Variants in LIN52 observed in about 807,000 individuals in gnomAD.
LIN52 encodes protein lin-52 homolog.
Under a neutral mutation model 18.5 loss-of-function variants are expected in LIN52, and 4 were observed. The observed-to-expected ratio is 0.22, with a 90% CI of 0.11 to 0.49. The LOEUF (loss-of-function observed/expected upper bound fraction) is 0.49, where lower values mean the gene tolerates loss of function less well. LIN52 is among the 20% of genes least tolerant of loss of function. LIN52 has a pLI of 0.97. For synonymous variants in LIN52, 34 were observed against 45.5 expected, an observed-to-expected ratio of 0.75 and a Z score of 1.02; for missense variants, 102 against 139.5, an observed-to-expected ratio of 0.73 and a Z score of 1.35.
At chr14:74,087,226 T>G (rs1011657180) in intron 1 of LIN52, among the ~76,000 whole-genome samples, 1 of 151,956 alleles carries the variant, frequency 6.6e-6, no homozygotes, top group African/African-American at 2.4e-5. Flanking sequence ...CCATCCTGGC[T>G]AACACAGTGA....
intron 5 of LIN52, among the ~76,000 whole-genome samples, chr14:74,196,992 T>C (rs948918893): frequency 1.3e-5 from 2 of 152,164 alleles, no homozygotes; most frequent in Non-Finnish European, 2.9e-5. Context: ...GGCAAGACAG[T>C]ACTTGATTGG....
At chr14:74,190,154 C>T (rs2061357289) in intron 5 of LIN52, among the ~76,000 whole-genome samples, 1 of 152,042 alleles carries the variant, frequency 6.6e-6, no homozygotes. Flanking sequence ...TCTTTCTCAG[C>T]AGTCACTGGA....
intron 5 of LIN52, among the ~76,000 whole-genome samples, chr14:74,159,446 A>T (rs1340474743): frequency 6.6e-6 from 1 of 152,300 alleles, no homozygotes. Context: ...TAATGTTACT[A>T]CTTACACAAT....
chr14:74,142,629 C>T (rs929299773), intron 5 of LIN52, among the ~76,000 whole-genome samples: 11 of 151,528 alleles, frequency 7.3e-5, no homozygotes, highest in African/African-American at 2.7e-4. Flanking sequence ...AGCCATGTGT[C>T]GCTAATGACT....
chr14:74,146,153 G>A (rs1428683880), intron 5 of LIN52, among the ~76,000 whole-genome samples: 2 of 151,962 alleles, frequency 1.3e-5, no homozygotes, highest in Non-Finnish European at 2.9e-5. Flanking sequence ...TGAATCCCAT[G>A]TTTCCTGAAT....
intron 5 of LIN52, among the ~76,000 whole-genome samples, chr14:74,172,589 G>A (rs1474432304): frequency 6.6e-6 from 1 of 152,222 alleles, no homozygotes; most frequent in Non-Finnish European, 1.5e-5. Flanking sequence ...AGTGGTGTCA[G>A]GTGCAACTTA....
intron 5 of LIN52, among the ~76,000 whole-genome samples, chr14:74,119,730 C>T (rs1383601452): frequency 6.6e-6 from 1 of 151,988 alleles, no homozygotes; most frequent in Non-Finnish European, 1.5e-5. Context: ...TGAGGTTGAG[C>T]ACCTTTTTGT....
At chr14:74,130,278 G>GTTTTTTTTTGTTTTTTTTTTTTTTTTTT (rs2061055159) in intron 5 of LIN52, among the ~76,000 whole-genome samples, 1 of 64,840 alleles carries the variant, frequency 1.5e-5, no homozygotes, top group Non-Finnish European at 2.8e-5. Context: ...GCATTTTTTG[G>GTTTTTTTTTGTTTTTTTTTTTTTTTTTT]TTTTTTTTTT....
At chr14:74,142,012 G>A (rs2061133690) in intron 5 of LIN52, among the ~76,000 whole-genome samples, 1 of 152,176 alleles carries the variant, frequency 6.6e-6, no homozygotes, top group African/African-American at 2.4e-5. Flanking sequence ...TGCTGGGAGT[G>A]GCAGTGTGAT....
chr14:74,140,648 G>A (rs1343099618), intron 5 of LIN52, among the ~76,000 whole-genome samples: 1 of 152,226 alleles, frequency 6.6e-6, no homozygotes, highest in East Asian at 1.9e-4. Flanking sequence ...CTGGGCCAGA[G>A]GTCCCAGTGG....
In LIN52 at chr14:74,130,278, G is replaced by GTTTGTTTTTTTTTTTTTTTT; in HGVS notation, c.283+29043_283+29044insGTTTTTTTTTTTTTTTTTTT. Among the ~76,000 whole-genome samples, 136 of 64,824 alleles carry GTTTGTTTTTTTTTTTTTTTT rather than the reference G, an allele frequency of 2.1e-3. 1 individual carries two copies. Among genetic ancestry groups the GTTTGTTTTTTTTTTTTTTTT allele is most frequent in the African/African-American group, 7.2e-3 (114 of 15,880 alleles). 42.5% of individuals were successfully genotyped at this position (64,824 alleles called of 152,430 possible). ...GAATTTATTAGATAGGCATTTTTTG[G>GTTTGTTTTTTTTTTTTTTTT]TTTTTTTTTTTTTTTTTTGAGACAG... On this transcript the variant is annotated intron_variant, in intron 5 of 5. Transcript: ENST00000555028.
At chr14:74,101,114 A>G in intron 4 of LIN52, 41 bp from the exon 5 acceptor site, 1 of 1,522,472 alleles carries the variant, frequency 6.6e-7, no homozygotes, top group Non-Finnish European at 9.1e-7. Context: ...ACTAGAGAAG[A>G]GTGGAAAGAA....
At chr14:74,131,279 A>G (rs2061065343) in intron 5 of LIN52, among the ~76,000 whole-genome samples, 1 of 150,350 alleles carries the variant, frequency 6.7e-6, no homozygotes, top group Admixed American at 6.6e-5. Flanking sequence ...TCTAAGTGAG[A>G]TTGAGGGATA....
intron 5 of LIN52, among the ~76,000 whole-genome samples, chr14:74,120,985 G>T (rs938420059): frequency 2.0e-5 from 3 of 152,152 alleles, no homozygotes; most frequent in Non-Finnish European, 4.4e-5. Flanking sequence ...GCTGAGGTGG[G>T]AGGATCATTT....
chr14:74,177,427 C>T (rs541176800), intron 5 of LIN52, among the ~76,000 whole-genome samples: 2 of 152,260 alleles, frequency 1.3e-5, no homozygotes, highest in South Asian at 2.1e-4. Flanking sequence ...CATCAGAACA[C>T]CCTAGATAAA....
chr14:74,124,624 A>G (rs1373894485), intron 5 of LIN52, among the ~76,000 whole-genome samples: 1 of 151,998 alleles, frequency 6.6e-6, no homozygotes, highest in Non-Finnish European at 1.5e-5. Flanking sequence ...CAGCCTGGGC[A>G]ACATGATGAA....
intron 5 of LIN52, among the ~76,000 whole-genome samples, chr14:74,119,939 G>T (rs998234968): frequency 6.6e-6 from 1 of 151,424 alleles, no homozygotes; most frequent in Admixed American, 6.6e-5. Context: ...GGGTTCAAGC[G>T]ATTCTCCTGC....
At chr14:74,107,140 T>C (rs950918070) in intron 5 of LIN52, among the ~76,000 whole-genome samples, 7 of 152,190 alleles carry the variant, frequency 4.6e-5, no homozygotes, top group African/African-American at 1.7e-4. Flanking sequence ...TGATGAGACG[T>C]AATATTTGAA....
In LIN52 at chr14:74,199,175, C is replaced by A. The variant is rs1749285575; in HGVS notation, c.*198C>A. 2.2e-6 allele frequency: 1 copy of A among 462,910 alleles called. No homozygotes were observed. The highest frequency in any genetic ancestry group is 3.8e-6 in the Non-Finnish European group (1 of 261,370). The allele number at this position is 462,910 out of a possible 1,614,324, so 28.7% of individuals were successfully genotyped here. A position where few individuals can be genotyped will look rare whatever the true frequency, so the allele number is the denominator to read the frequency against. On this transcript the variant is annotated 3_prime_UTR_variant, in exon 6 of 6. Coordinates refer to ENST00000555028, the MANE Select transcript of LIN52 (RefSeq NM_001024674.3). Reference sequence around the variant, plus strand: ...AGAAGAATCTGCTCTACCCAAGGATCATTGCAGTTACTCAATCAACTTTCA... The same window carrying A: ...AGAAGAATCTGCTCTACCCAAGGATAATTGCAGTTACTCAATCAACTTTCA...
Sources: gnomAD v4.1 joint callset for allele counts (sites outside exome capture counted in the v4.1 genomes callset) on GRCh38, gnomAD v4.1.1 for gene constraint, MANE v1.5 for transcripts, NCBI Gene and HGNC (gene_info 2026-07-23, HGNC 2026-07-21) for gene names.